The following ESRRG variants were observed in gnomAD, a reference collection of about 807,000 sequenced individuals.
ESRRG encodes the protein estrogen-related receptor gamma.
ESRRG carries 13 observed loss-of-function variants against 44.0 expected under a neutral mutation model. The ratio of observed to expected loss-of-function variants is 0.30; its 90% CI spans 0.19 to 0.47. ESRRG has a LOEUF of 0.47. Ranked by LOEUF, ESRRG falls within the 20% of genes least tolerant of loss-of-function variation. The pLI is 1.00. For synonymous variants in ESRRG, 215 were observed against 214.6 expected, an observed-to-expected ratio of 1.00 and a Z score of -0.02; for missense variants, 395 against 580.6, an observed-to-expected ratio of 0.68 and a Z score of 3.29.
intron 3 of ESRRG, among the ~76,000 whole-genome samples, chr1:216,604,903 G>T (rs2059722731): frequency 6.6e-6 from 1 of 152,170 alleles, no homozygotes; most frequent in African/African-American, 2.4e-5. Context: ...TGTGTAGGAT[G>T]AATTATCTTT....
rs1473269987 is a variant in ESRRG, at chr1:216,506,752, TAGAA to T, written c.*183_*186del. On this transcript the variant is annotated 3_prime_UTR_variant, in exon 7 of 7. Coordinates refer to ENST00000408911, the MANE Select transcript of ESRRG (RefSeq NM_001438.4). ...AGAGGAAAGAAGATGATGGAGAAAG[TAGAA>T]AGAAACTCATCAGGAACCTATGGAG... is the stretch of plus-strand genomic sequence containing the variant. 5 of 661,836 alleles carry T rather than the reference TAGAA, an allele frequency of 7.6e-6. No homozygotes were observed. The highest frequency in any genetic ancestry group is 5.5e-5 in the South Asian group (3 of 54,638). The allele number at this position is 661,836 out of a possible 1,614,324, so 41.0% of individuals were successfully genotyped here.
intron 3 of ESRRG, among the ~76,000 whole-genome samples, chr1:216,570,481 T>C (rs1306690683): frequency 1.3e-5 from 2 of 152,228 alleles, no homozygotes; most frequent in Non-Finnish European, 2.9e-5. Context: ...ATTTATTTTT[T>C]TTCATCTCTT....
chr1:216,963,976 G>C (rs2069697577), intron 1 of ESRRG, among the ~76,000 whole-genome samples: 1 of 152,170 alleles, frequency 6.6e-6, no homozygotes, highest in African/African-American at 2.4e-5. Flanking sequence ...TCTGAGAAAA[G>C]AGTAGGAATT....
At chr1:216,975,297 C>T (rs1251851493) in intron 1 of ESRRG, among the ~76,000 whole-genome samples, 9 of 152,130 alleles carry the variant, frequency 5.9e-5, no homozygotes, top group South Asian at 2.1e-4. Flanking sequence ...CTCTTACCAA[C>T]CATTTTAAAT....
chr1:216,735,040 C>G (rs2089615116), intron 2 of ESRRG, among the ~76,000 whole-genome samples: 1 of 151,092 alleles, frequency 6.6e-6, no homozygotes, highest in African/African-American at 2.4e-5. Flanking sequence ...TCCCAAGTAG[C>G]TGGGATTACA....
At chr1:216,600,912 A>G (rs2059133230) in intron 3 of ESRRG, among the ~76,000 whole-genome samples, 1 of 152,162 alleles carries the variant, frequency 6.6e-6, no homozygotes, top group South Asian at 2.1e-4. Flanking sequence ...TCCCGGACAC[A>G]TTTATTCAGC....
At chr1:217,076,423 C>T (rs1425772881) in intron 1 of ESRRG, among the ~76,000 whole-genome samples, 3 of 152,196 alleles carry the variant, frequency 2.0e-5, no homozygotes, top group African/African-American at 4.8e-5. Flanking sequence ...ACAATTTGCT[C>T]ATTTTTCTCG....
At chr1:216,666,282 C>T (rs2073902176) in intron 2 of ESRRG, among the ~76,000 whole-genome samples, 1 of 152,216 alleles carries the variant, frequency 6.6e-6, no homozygotes, top group African/African-American at 2.4e-5. Flanking sequence ...TTAGAGTGAA[C>T]ATTCTAATAT....
chr1:216,770,874 G>A (rs1454600925), intron 2 of ESRRG, among the ~76,000 whole-genome samples: 1 of 151,856 alleles, frequency 6.6e-6, no homozygotes, highest in Non-Finnish European at 1.5e-5. Context: ...GCATCCACCT[G>A]CCCACCCATT....
chr1:216,694,505 G>A (rs2151778886), intron 1 of ESRRG, among the ~76,000 whole-genome samples: 1 of 152,088 alleles, frequency 6.6e-6, no homozygotes, highest in Admixed American at 6.6e-5. Context: ...AAAGAAATCA[G>A]CCAGTTTGTG....
At chr1:216,565,482 C>T (rs1228581018) in intron 4 of ESRRG, among the ~76,000 whole-genome samples, 2 of 152,156 alleles carry the variant, frequency 1.3e-5, no homozygotes, top group African/African-American at 2.4e-5. Flanking sequence ...CTTTGCCTCT[C>T]GCTCTAAGTT....
chr1:216,887,773 C>T (rs1318468715), intron 2 of ESRRG, among the ~76,000 whole-genome samples: 1 of 152,134 alleles, frequency 6.6e-6, no homozygotes, highest in Non-Finnish European at 1.5e-5. Context: ...AAAAGATATA[C>T]CTAAATGCAT....
chr1:216,612,365 G>A (rs2060791683), intron 3 of ESRRG, among the ~76,000 whole-genome samples: 1 of 151,318 alleles, frequency 6.6e-6, no homozygotes, highest in African/African-American at 2.4e-5. Flanking sequence ...AGGAGGGAAG[G>A]AAGGAAGGGG....
chr1:217,031,417 C>T (rs1001780954), intron 1 of ESRRG, among the ~76,000 whole-genome samples: 3 of 152,186 alleles, frequency 2.0e-5, no homozygotes, highest in Non-Finnish European at 2.9e-5. Flanking sequence ...AAGGAGAGTC[C>T]ACACTCAATG....
At chr1:216,649,506 A>G (rs1265411214) in intron 3 of ESRRG, among the ~76,000 whole-genome samples, 1 of 145,000 alleles carries the variant, frequency 6.9e-6, no homozygotes, top group Non-Finnish European at 1.6e-5. Flanking sequence ...ATATATATAT[A>G]CATATACACA....
intron 5 of ESRRG, among the ~76,000 whole-genome samples, chr1:216,526,781 A>C (rs2047793233): frequency 6.6e-6 from 1 of 152,164 alleles, no homozygotes; most frequent in South Asian, 2.1e-4. Context: ...TGTCTGGGTA[A>C]CGGTGAGCAC....
At chr1:216,543,550 C>T (rs2053518566) in intron 5 of ESRRG, among the ~76,000 whole-genome samples, 1 of 151,904 alleles carries the variant, frequency 6.6e-6, no homozygotes, top group Admixed American at 6.6e-5. Flanking sequence ...TAATTGTTGC[C>T]TCTTAGAGGC....
intron 1 of ESRRG, among the ~76,000 whole-genome samples, chr1:217,006,452 G>T (rs1415602701): frequency 1.3e-5 from 2 of 152,028 alleles, no homozygotes; most frequent in Non-Finnish European, 2.9e-5. Flanking sequence ...AGTCTCACAG[G>T]CTGTGTGGAG....
chr1:216,937,963 G>A lies in ESRRG; in HGVS notation c.-14+1619C>T, dbSNP rs183827998. Among the ~76,000 whole-genome samples the A allele has an allele frequency of 9.3e-5, 14 of 151,306 alleles. No homozygotes were observed. The East Asian group carries it at 2.7e-3, about 29-fold the overall frequency. The stretch of plus-strand genomic sequence containing the variant: ...CTCTGGAGGTGATAAAGGTGAAGGT[G>A]TTTTTCTTGGGAAACTCTGGAAAAG... On this transcript the variant is annotated intron_variant, in intron 2 of 7. Coordinates refer to the ESRRG transcript ENST00000359162.
Sources: allele counts gnomAD v4.1 joint callset (sites outside exome capture counted in the v4.1 genomes callset), GRCh38; gene constraint gnomAD v4.1.1; transcripts MANE v1.5; gene names NCBI Gene and HGNC (gene_info 2026-07-23, HGNC 2026-07-21).